The following CSMD1 variants were observed in gnomAD, a reference collection of about 807,000 sequenced individuals.
The protein encoded by CSMD1 is CUB and Sushi multiple domains 1, also known as CUB and sushi domain-containing protein 1.
Under a neutral mutation model 417.5 loss-of-function variants are expected in CSMD1, and 213 were observed. The ratio of observed to expected loss-of-function variants is 0.51; its 90% CI spans 0.46 to 0.57. The LOEUF is 0.57. Among genes scored for constraint, CSMD1 ranks in the 20% least tolerant of loss-of-function variants. The pLI, the probability that CSMD1 is intolerant of heterozygous loss-of-function variation, is 0.00. For synonymous variants in CSMD1, 2,862 were observed against 1,736.8 expected (o/e 1.65, Z -16.11); for missense variants, 6,923 against 4,529.7 (o/e 1.53, Z -15.17).
At chr8:4,692,241 C>G (rs1198047661) in intron 1 of CSMD1, among the ~76,000 whole-genome samples, 1 of 152,110 alleles carries the variant, frequency 6.6e-6, no homozygotes, top group East Asian at 1.9e-4. Flanking sequence ...CTCTGCAAGC[C>G]ACTCCCAACA....
chr8:3,056,546 T>A (rs1056558076), intron 49 of CSMD1, among the ~76,000 whole-genome samples: 1 of 152,004 alleles, frequency 6.6e-6, no homozygotes, highest in African/African-American at 2.4e-5. Flanking sequence ...TTTTTGTATT[T>A]TTTTGGAGAG....
chr8:4,151,047 T>C (rs1796547764), intron 3 of CSMD1, among the ~76,000 whole-genome samples: 1 of 152,104 alleles, frequency 6.6e-6, no homozygotes, highest in South Asian at 2.1e-4. Flanking sequence ...ATAAAACGGT[T>C]GAGGAGCCTA....
At chr8:4,018,160 C>G (rs1428852835) in intron 4 of CSMD1, among the ~76,000 whole-genome samples, 1 of 151,820 alleles carries the variant, frequency 6.6e-6, no homozygotes, top group Non-Finnish European at 1.5e-5. Flanking sequence ...TCAAAGAAAC[C>G]CTTTATAAAA....
rs1222883064 is a variant in CSMD1 at position 4,779,907 on chromosome 8, CT to C, written c.86-142350del. 4.5e-3 allele frequency among the ~76,000 whole-genome samples: 666 copies of C among 146,480 alleles called. 11 individuals are homozygous for C. Among genetic ancestry groups the C allele is most frequent in the African/African-American group, 0.014 (567 of 40,256 alleles). The stretch of plus-strand genomic sequence containing the variant: ...TTCGGGGCCTTGCTTTTTCTTTTTT[CT>C]TTTTTTTTTTCTCCAATAAGAAAAT... On this transcript the variant is annotated intron_variant, in intron 1 of 69. Coordinates refer to ENST00000635120, the MANE Select transcript of CSMD1 (RefSeq NM_033225.6).
chr8:4,611,801 C>T (rs1366889612), intron 2 of CSMD1, among the ~76,000 whole-genome samples: 1 of 152,088 alleles, frequency 6.6e-6, no homozygotes, highest in Admixed American at 6.6e-5. Flanking sequence ...CTGCTTTGTA[C>T]ACATATGCGA....
chr8:4,871,063 G>A (rs1802709588), intron 1 of CSMD1, among the ~76,000 whole-genome samples: 1 of 152,152 alleles, frequency 6.6e-6, no homozygotes, highest in African/African-American at 2.4e-5. Context: ...TGGGAGGTGA[G>A]GCAGTTGCAA....
intron 8 of CSMD1, among the ~76,000 whole-genome samples, chr8:3,599,169 G>A (rs1178249691): frequency 2.7e-5 from 4 of 150,380 alleles, no homozygotes; most frequent in Non-Finnish European, 5.9e-5. Context: ...GTGTCTGTGT[G>A]TGTGTGTGTG....
chr8:4,756,658 C>A (rs1007880429), intron 1 of CSMD1, among the ~76,000 whole-genome samples: 1 of 152,078 alleles, frequency 6.6e-6, no homozygotes, highest in Non-Finnish European at 1.5e-5. Flanking sequence ...CCTGGAGGAT[C>A]AGAAAAAATA....
chr8:4,317,859 A>G (rs1056594324), intron 3 of CSMD1, among the ~76,000 whole-genome samples: 1 of 152,196 alleles, frequency 6.6e-6, no homozygotes, highest in Non-Finnish European at 1.5e-5. Context: ...AGTTAAACCG[A>G]ATTTTGGCAG....
intron 25 of CSMD1, among the ~76,000 whole-genome samples, chr8:3,300,014 G>A (rs905566490): frequency 3.9e-5 from 6 of 152,080 alleles, no homozygotes; most frequent in Admixed American, 1.3e-4. Context: ...TGACACACGG[G>A]GAGGATGGTA....
Position 3,296,311 on chromosome 8 carries a change from C to T in CSMD1, c.3950+11384G>A, listed in dbSNP as rs558425447. ...CAGAAGCCCCACGTAAGGGGCATAC[C>T]GTCCGCATTTGAGGACAGCCAGGAG... On this transcript the variant is annotated intron_variant, in intron 25 of 69. Coordinates refer to ENST00000635120, the MANE Select transcript of CSMD1 (RefSeq NM_033225.6). Among the ~76,000 whole-genome samples, 27 of 151,744 alleles carry T rather than the reference C, an allele frequency of 1.8e-4. No homozygotes were observed. The South Asian group carries it at 2.7e-3, about 15-fold the overall frequency.
intron 3 of CSMD1, among the ~76,000 whole-genome samples, chr8:4,050,040 T>G (rs1288886361): frequency 1.3e-5 from 2 of 152,184 alleles, no homozygotes; most frequent in Admixed American, 6.5e-5. Context: ...CCAGATATTC[T>G]GTGGAATGTC....
chr8:4,326,188 G>C (rs948185174), intron 3 of CSMD1, among the ~76,000 whole-genome samples: 2 of 152,108 alleles, frequency 1.3e-5, no homozygotes, highest in African/African-American at 2.4e-5. Flanking sequence ...AAGCTCCCTG[G>C]GGATGCCAAT....
At chr8:4,157,609 C>G (rs752135508) in intron 3 of CSMD1, among the ~76,000 whole-genome samples, 1 of 152,202 alleles carries the variant, frequency 6.6e-6, no homozygotes. Context: ...AAATGCAAAT[C>G]TTTCACGCAG....
chr8:4,966,924 A>C (rs1165540027), intron 1 of CSMD1, among the ~76,000 whole-genome samples: 2 of 152,184 alleles, frequency 1.3e-5, no homozygotes, highest in Non-Finnish European at 2.9e-5. Context: ...AAGCATTGGC[A>C]ATCCAGTGTT....
rs188931206 is a variant in CSMD1, at chr8:4,039,243, G to C, written c.416-7144C>G. Among the ~76,000 whole-genome samples the C allele has an allele frequency of 9.2e-5, 14 of 152,206 alleles. No homozygotes were observed. The East Asian group carries it at 1.5e-3, about 17-fold the overall frequency. ...TTCTCTACACTTTGCCTCTGTAGTA[G>C]TCTCCTGGTAGCTTAAGAAAATATA... On this transcript the variant is annotated intron_variant, in intron 3 of 69. Transcript: ENST00000635120.
chr8:3,552,190 GTC>G (rs1798945508), intron 10 of CSMD1, among the ~76,000 whole-genome samples: 1 of 151,748 alleles, frequency 6.6e-6, no homozygotes, highest in Non-Finnish European at 1.5e-5. Context: ...ACAGAGTACT[GTC>G]TGTGGAAAAG....
intron 40 of CSMD1, among the ~76,000 whole-genome samples, chr8:3,145,085 G>C (rs1818764565): frequency 6.6e-6 from 1 of 151,728 alleles, no homozygotes; most frequent in Admixed American, 6.6e-5. Context: ...GTGTCTGTGT[G>C]CACGTGTGTT....
chr8:3,922,169 T>C (rs1228744943), intron 5 of CSMD1, among the ~76,000 whole-genome samples: 2 of 152,154 alleles, frequency 1.3e-5, no homozygotes, highest in Non-Finnish European at 2.9e-5. Context: ...TAATGTCTAT[T>C]TTGTATTATA....
Sources: allele counts gnomAD v4.1 joint callset (sites outside exome capture counted in the v4.1 genomes callset), GRCh38; gene constraint gnomAD v4.1.1; transcripts MANE v1.5; gene names NCBI Gene and HGNC (gene_info 2026-07-23, HGNC 2026-07-21).